ENTREP2: variants seen among roughly 807,000 people sequenced by gnomAD.
The protein encoded by ENTREP2 is endosomal transmembrane epsin interactor 2.
At chr15:29,246,599 C>G in the ENTREP2 span, among the ~76,000 whole-genome samples, 1 of 151,888 alleles carries the variant, frequency 6.6e-6, no homozygotes, top group Non-Finnish European at 1.5e-5. Context: ...ACTCAGGAGG[C>G]TGAGGCAGGA....
At chr15:29,282,047 T>A in the ENTREP2 span, among the ~76,000 whole-genome samples, 99,123 of 152,010 alleles carry the variant, frequency 0.65, 33,025 homozygotes, top group Middle Eastern at 0.72. Flanking sequence ...GGTTAGAAAG[T>A]CAGGATTTGT....
At chr15:29,236,171 T>A in the ENTREP2 span, among the ~76,000 whole-genome samples, 6 of 152,032 alleles carry the variant, frequency 3.9e-5, no homozygotes, top group Admixed American at 6.6e-5. Context: ...ATATCTGGAA[T>A]GAAACAAAAA....
At chr15:29,207,430 C>T in the ENTREP2 span, among the ~76,000 whole-genome samples, 55,489 of 124,572 alleles carry the variant, frequency 0.45, 11,047 homozygotes, top group East Asian at 0.63. Context: ...CTCCTACGAG[C>T]GGTGTGCCGC....
chr15:29,532,326 T>C, the ENTREP2 span, among the ~76,000 whole-genome samples: 2 of 152,218 alleles, frequency 1.3e-5, no homozygotes, highest in Non-Finnish European at 2.9e-5. Flanking sequence ...TAAAATCTGA[T>C]TAAAATGTAG....
the ENTREP2 span, among the ~76,000 whole-genome samples, chr15:29,596,474 A>G: frequency 0.48 from 72,921 of 151,928 alleles, 17,946 homozygotes; most frequent in Non-Finnish European, 0.54. Context: ...CCTAGGGGGC[A>G]CAACTTTATC....
the ENTREP2 span, among the ~76,000 whole-genome samples, chr15:29,625,542 C>T: frequency 6.6e-6 from 1 of 151,718 alleles, no homozygotes; most frequent in Non-Finnish European, 1.5e-5. Flanking sequence ...ACTACATGTA[C>T]TTGCCACCAC....
At chr15:29,123,760 G>C in the ENTREP2 span, 1 of 1,197,234 alleles carries the variant, frequency 8.4e-7, no homozygotes, top group South Asian at 1.6e-5. Context: ...TGGGGTTTCT[G>C]TGTTCCTGGG....
the ENTREP2 span, among the ~76,000 whole-genome samples, chr15:29,144,464 C>G: frequency 6.6e-6 from 1 of 152,184 alleles, no homozygotes; most frequent in Non-Finnish European, 1.5e-5. Context: ...CATGGTAGCT[C>G]ATGCCTATCA....
the ENTREP2 span, among the ~76,000 whole-genome samples, chr15:29,170,976 G>A: frequency 5.4e-4 from 83 of 152,320 alleles, no homozygotes; most frequent in Admixed American, 9.2e-4. Flanking sequence ...CATCTGGTGG[G>A]GGTCCTCCTG....
chr15:29,393,940 C>T, the ENTREP2 span, among the ~76,000 whole-genome samples: 516 of 152,222 alleles, frequency 3.4e-3, 3 homozygotes, highest in Non-Finnish European at 4.8e-3. Context: ...CCTCCATTTT[C>T]CCCTGGAAAA....
chr15:29,313,240 G>A, the ENTREP2 span, among the ~76,000 whole-genome samples: 6 of 152,064 alleles, frequency 3.9e-5, no homozygotes, highest in Non-Finnish European at 5.9e-5. Context: ...AAGTCCAGAA[G>A]ATCCAGCTAA....
chr15:29,566,474 G>T, the ENTREP2 span, among the ~76,000 whole-genome samples: 1 of 145,628 alleles, frequency 6.9e-6, no homozygotes, highest in Non-Finnish European at 1.5e-5. Flanking sequence ...TATTTTTTTT[G>T]AGATGGAGTT....
At chr15:29,225,608 C>T in the ENTREP2 span, among the ~76,000 whole-genome samples, 1 of 152,224 alleles carries the variant, frequency 6.6e-6, no homozygotes, top group Non-Finnish European at 1.5e-5. Context: ...CAGAAAAAAA[C>T]TACCAGAGGC....
At chr15:29,255,499 C>T in the ENTREP2 span, among the ~76,000 whole-genome samples, 1 of 152,172 alleles carries the variant, frequency 6.6e-6, no homozygotes, top group Non-Finnish European at 1.5e-5. Flanking sequence ...ACCATTCGAC[C>T]CAGCAATCCC....
At chr15:29,143,147 A>G in the ENTREP2 span, among the ~76,000 whole-genome samples, 1 of 152,236 alleles carries the variant, frequency 6.6e-6, no homozygotes, top group African/African-American at 2.4e-5. Flanking sequence ...TGTTCTTGCT[A>G]TTCCTAGATT....
At chr15:29,657,486 G>GGC in the ENTREP2 span, among the ~76,000 whole-genome samples, 32 of 78,050 alleles carry the variant, frequency 4.1e-4, no homozygotes, top group East Asian at 1.8e-3. Flanking sequence ...GGGGGGGCGG[G>GGC]GGGGGGGGGT....
the ENTREP2 span, among the ~76,000 whole-genome samples, chr15:29,205,121 G>C: frequency 2.0e-5 from 3 of 152,090 alleles, no homozygotes; most frequent in African/African-American, 7.2e-5. Context: ...TGTCTTCAAG[G>C]TTCATCCATG....
the ENTREP2 span, among the ~76,000 whole-genome samples, chr15:29,564,165 A>C: frequency 6.6e-6 from 1 of 151,960 alleles, no homozygotes. Context: ...GGCTCTACTG[A>C]TCTGTGAAAG....
chr15:29,674,140 G>GGC, the ENTREP2 span, among the ~76,000 whole-genome samples: 1 of 148,816 alleles, frequency 6.7e-6, no homozygotes, highest in African/African-American at 2.5e-5. Flanking sequence ...GGGGGGGGGG[G>GGC]GGGCTTTGCC....
Sources: gnomAD v4.1 joint callset for allele counts (sites outside exome capture counted in the v4.1 genomes callset) on GRCh38, gnomAD v4.1.1 for gene constraint, MANE v1.5 for transcripts, NCBI Gene and HGNC (gene_info 2026-07-23, HGNC 2026-07-21) for gene names.